The following SULF2 variants were observed in gnomAD, a reference collection of about 807,000 sequenced individuals.
SULF2 encodes the protein extracellular sulfatase Sulf-2.
A neutral mutation model predicts 107.7 loss-of-function variants in SULF2; 52 were observed. That is an observed-to-expected ratio of 0.48 (90% CI 0.39 to 0.61). The LOEUF (loss-of-function observed/expected upper bound fraction) is 0.61. Among genes scored for constraint, SULF2 ranks in the 20% least tolerant of loss-of-function variants. The pLI is 0.00. For missense variants in SULF2, 993 were observed against 1,177.3 expected, an observed-to-expected ratio of 0.84 and a Z score of 2.29; for synonymous variants, 460 against 464.3, an observed-to-expected ratio of 0.99 and a Z score of 0.12.
At chr20:47,747,018 T>TATATATATACACACAC (rs1232551264) in intron 2 of SULF2, among the ~76,000 whole-genome samples, 2 of 75,124 alleles carry the variant, frequency 2.7e-5, no homozygotes, top group East Asian at 8.0e-4. Flanking sequence ...TATATATATA[T>TATATATATACACACAC]ACACACACAC....
At chr20:47,728,079 A>AGGCTAC (rs1435673090) in intron 3 of SULF2, among the ~76,000 whole-genome samples, 1 of 152,134 alleles carries the variant, frequency 6.6e-6, no homozygotes, top group Non-Finnish European at 1.5e-5. Flanking sequence ...AGAGACAGGA[A>AGGCTAC]GGCTACCTGC....
intron 1 of SULF2, among the ~76,000 whole-genome samples, chr20:47,773,625 C>T (rs2090672292): frequency 6.6e-6 from 1 of 152,246 alleles, no homozygotes; most frequent in African/African-American, 2.4e-5. Context: ...CACCTCTGTT[C>T]TTTGTTCCTT....
At chr20:47,661,962 A>C (rs2087091290) in intron 17 of SULF2, 66 bp from the exon 18 acceptor site, 1 of 1,382,386 alleles carries the variant, frequency 7.2e-7, no homozygotes, top group Non-Finnish European at 9.5e-7. Context: ...CCCTTCTACC[A>C]ACCAGGGGAC....
At chr20:47,659,523 A>C in intron 19 of SULF2, 71 bp from the exon 20 acceptor site, 1 of 1,549,842 alleles carries the variant, frequency 6.5e-7, no homozygotes, top group Non-Finnish European at 8.9e-7. Context: ...CCAAAGAACT[A>C]TACAAAGAAG....
chr20:47,696,409 C>CA (rs1555836000), intron 4 of SULF2, among the ~76,000 whole-genome samples: 3 of 151,698 alleles, frequency 2.0e-5, no homozygotes, highest in Admixed American at 6.6e-5. Flanking sequence ...ACCACCCCCC[C>CA]ACCCCCATAA....
chr20:47,747,459 G>T (rs2090069633), intron 2 of SULF2, among the ~76,000 whole-genome samples: 1 of 152,116 alleles, frequency 6.6e-6, no homozygotes, highest in South Asian at 2.1e-4. Flanking sequence ...TAGCAGAGAG[G>T]TGGCAGAGCA....
Position 47,678,490 on chromosome 20 carries a change from A to T in SULF2, c.1193+186T>A. ...CACCTTGGCCACATTCCAGATGGGAAGACAGAATCTCGGAGAGGGGACCAT... is the reference window on the plus strand; with the variant it reads ...CACCTTGGCCACATTCCAGATGGGATGACAGAATCTCGGAGAGGGGACCAT... On this transcript the variant is annotated intron_variant, in intron 8 of 20. Coordinates refer to ENST00000688720, the MANE Select transcript of SULF2 (RefSeq NM_001387048.1). This position sits in a 1 kb window ranked among gnomAD's most constrained non-coding sequence, Gnocchi z 4.5. 1.7e-6 allele frequency: 1 copy of T among 602,234 alleles called. No individual in the cohort carries two copies. Among genetic ancestry groups the T allele is most frequent in the Non-Finnish European group, 2.8e-6 (1 of 358,884 alleles). 37.3% of individuals were successfully genotyped at this position (602,234 alleles called of 1,614,324 possible). A position where few individuals can be genotyped will look rare whatever the true frequency, so the allele number is the denominator to read the frequency against.
intron 2 of SULF2, among the ~76,000 whole-genome samples, chr20:47,756,759 C>T (rs531539357): frequency 6.6e-6 from 1 of 151,470 alleles, no homozygotes; most frequent in African/African-American, 2.4e-5. Context: ...GATTCTTGTG[C>T]CCCAGTCTCC....
At chr20:47,669,213 C>T (rs559511556) in intron 11 of SULF2, among the ~76,000 whole-genome samples, 1 of 152,210 alleles carries the variant, frequency 6.6e-6, no homozygotes, top group Non-Finnish European at 1.5e-5. Flanking sequence ...CAGCTGGGCC[C>T]ATCCCCCGAG....
chr20:47,694,758 G>A lies in SULF2; in HGVS notation c.568-4463C>T, dbSNP rs949093162. 3.9e-5 allele frequency among the ~76,000 whole-genome samples: 6 copies of A among 152,150 alleles called. No homozygotes were observed. The highest frequency in any genetic ancestry group is 1.4e-4 in the African/African-American group (6 of 41,452). On this transcript the variant is annotated intron_variant, in intron 4 of 20. Coordinates refer to ENST00000688720, the MANE Select transcript of SULF2 (RefSeq NM_001387048.1). The surrounding 1 kb of genome is among the most constrained non-coding windows in gnomAD (Gnocchi z 4.4). ...CCCTCGAGTGGGCACTCCGCACCGGGCTTCCCTCCAAGGCCAAGGCAGTGC... is the reference window on the plus strand; with the variant it reads ...CCCTCGAGTGGGCACTCCGCACCGGACTTCCCTCCAAGGCCAAGGCAGTGC...
chr20:47,672,688 A>C (rs1453333426), intron 10 of SULF2: 1 of 328,686 alleles, frequency 3.0e-6, no homozygotes, highest in Non-Finnish European at 4.4e-6. Flanking sequence ...ATCTTTTTAA[A>C]GGGCAAGTTG....
At chr20:47,769,665 A>G (rs1174143731) in intron 1 of SULF2, among the ~76,000 whole-genome samples, 1 of 152,176 alleles carries the variant, frequency 6.6e-6, no homozygotes, top group African/African-American at 2.4e-5. Context: ...TCCCGGCCCT[A>G]TTCTTCAGTG....
chr20:47,778,208 T>C (rs1321507551), intron 1 of SULF2, among the ~76,000 whole-genome samples: 1 of 152,204 alleles, frequency 6.6e-6, no homozygotes, highest in Non-Finnish European at 1.5e-5. Flanking sequence ...GTCCTGACCA[T>C]GAGCCAATAA....
intron 18 of SULF2, among the ~76,000 whole-genome samples, chr20:47,660,117 C>T (rs993796873): frequency 6.6e-6 from 1 of 152,202 alleles, no homozygotes; most frequent in Non-Finnish European, 1.5e-5. Context: ...GAAGTTTTCC[C>T]GAGGATGTGG....
At chr20:47,776,424 G>A (rs2090726557) in intron 1 of SULF2, among the ~76,000 whole-genome samples, 1 of 152,160 alleles carries the variant, frequency 6.6e-6, no homozygotes, top group Non-Finnish European at 1.5e-5. Flanking sequence ...ACATCGCTGA[G>A]TTATTCCACA....
Position 47,687,375 on chromosome 20 carries a change from T to A in SULF2, c.737+2751A>T, listed in dbSNP as rs141234166. ...TCAACAAACATCTGAAAACTTCACC[T>A]CCTCCAGCATCCGAGGAATATCTGG... is the stretch of plus-strand genomic sequence containing the variant. On this transcript the variant is annotated intron_variant, in intron 5 of 20. Coordinates refer to ENST00000688720, the MANE Select transcript of SULF2 (RefSeq NM_001387048.1). Among the ~76,000 whole-genome samples the A allele has an allele frequency of 5.9e-3, 899 of 152,192 alleles. 10 individuals carry two copies. The highest frequency in any genetic ancestry group is 0.019 in the African/African-American group (790 of 41,520).
chr20:47,738,221 C>T lies in SULF2; in HGVS notation c.176-1279G>A, dbSNP rs553442798. 2.6e-5 allele frequency among the ~76,000 whole-genome samples: 4 copies of T among 152,324 alleles called. No homozygotes were observed. In the South Asian group the frequency reaches 6.2e-4, roughly 24 times the overall value. On this transcript the variant is annotated intron_variant, in intron 2 of 20. Coordinates refer to ENST00000688720, the MANE Select transcript of SULF2 (RefSeq NM_001387048.1). ...AGCGCTGAATCCTCAGCACTGCTGC[C>T]GTGTGTGACACACAGTGGGTACTCA...
rs377109914 is a variant in SULF2 at position 47,672,411 on chromosome 20, G to T, written c.1381-18C>A. On this transcript the variant is annotated intron_variant, in intron 10 of 20. Transcript: ENST00000688720. Reference sequence around the variant, plus strand: ...TGCCACTTCTGAAAGACATGCCAGGGCCTCGGCCAGCTGCTCATCTGCTCC... The same window carrying T: ...TGCCACTTCTGAAAGACATGCCAGGTCCTCGGCCAGCTGCTCATCTGCTCC... 7 of 1,565,380 alleles carry T rather than the reference G, an allele frequency of 4.5e-6. No individual in the cohort carries two copies. The African/African-American group carries it at 8.1e-5, about 18-fold the overall frequency.
chr20:47,670,605 C>T (rs775029873), intron 11 of SULF2, among the ~76,000 whole-genome samples: 1 of 115,690 alleles, frequency 8.6e-6, no homozygotes, highest in Non-Finnish European at 1.8e-5. Context: ...TTACATGAGG[C>T]CCCTAAAGCA....
Sources: gnomAD v4.1 joint callset for allele counts (sites outside exome capture counted in the v4.1 genomes callset) on GRCh38, gnomAD v4.1.1 for gene constraint, Gnocchi (gnomAD v3.1) non-coding constraint, MANE v1.5 for transcripts, NCBI Gene and HGNC (gene_info 2026-07-23, HGNC 2026-07-21) for gene names.